The following CD6 variants were observed in gnomAD, a reference collection of about 807,000 sequenced individuals.
The protein encoded by CD6 is T-cell differentiation antigen CD6.
CD6 carries 53 observed loss-of-function variants against 75.3 expected under a neutral mutation model. The ratio of observed to expected loss-of-function variants is 0.70; its 90% confidence interval spans 0.56 to 0.88. The LOEUF (loss-of-function observed/expected upper bound fraction) is 0.88. Among genes scored for constraint, CD6 ranks in the 40% least tolerant of loss-of-function variants. CD6 has a pLI of 0.00. For synonymous variants in CD6, 359 were observed against 381.5 expected, an observed-to-expected ratio of 0.94 and a Z score of 0.69; for missense variants, 770 against 897.1, an observed-to-expected ratio of 0.86 and a Z score of 1.81.
rs577206466 is a variant in CD6, at chr11:61,019,127, T to C, written c.1943-127T>C. The C allele has an allele frequency of 1.2e-5, 8 of 647,232 alleles. No homozygotes were observed. The East Asian group carries it at 1.9e-4, about 16-fold the overall frequency. 40.1% of individuals were successfully genotyped at this position (647,232 alleles called of 1,614,324 possible). ...GTCAGGGACATGGCCGGAAGCAAGATGATCAGATGGCTTCATGCAGCATCC... is the reference window on the plus strand; with the variant it reads ...GTCAGGGACATGGCCGGAAGCAAGACGATCAGATGGCTTCATGCAGCATCC... On this transcript the variant is annotated intron_variant, in intron 12 of 12. Transcript: ENST00000313421.
At chr11:61,005,217 AG>A (rs2135147474) in intron 1 of CD6, among the ~76,000 whole-genome samples, 1 of 152,376 alleles carries the variant, frequency 6.6e-6, no homozygotes, top group East Asian at 1.9e-4. Context: ...TAATGCAGTA[AG>A]TAGAATCTAA....
chr11:61,009,896 C>G, intron 5 of CD6, 22 bp downstream of exon 5: 2 of 1,521,312 alleles, frequency 1.3e-6, no homozygotes, highest in Non-Finnish European at 1.8e-6. Flanking sequence ...TACTCCACCC[C>G]CCCAGATTTG....
chr11:61,011,514 A>G (rs3016163), intron 6 of CD6, among the ~76,000 whole-genome samples: 79,968 of 152,028 alleles, frequency 0.53, 21,694 homozygotes, highest in East Asian at 0.74. Flanking sequence ...CGGGAATGCC[A>G]GCACACAGCC....
chr11:61,000,084 T>C (rs542773286), intron 1 of CD6, among the ~76,000 whole-genome samples: 2 of 151,824 alleles, frequency 1.3e-5, no homozygotes, highest in African/African-American at 2.4e-5. Flanking sequence ...TAAATATAAA[T>C]ATAAATATAA....
chr11:60,990,037 T>C (rs750669783), intron 1 of CD6, among the ~76,000 whole-genome samples: 14 of 152,190 alleles, frequency 9.2e-5, no homozygotes, highest in Non-Finnish European at 1.6e-4. Context: ...TATTTTATTT[T>C]ACTAAAATTT....
chr11:60,987,779 C>T (rs2905508), intron 1 of CD6: 119,187 of 152,180 alleles, frequency 0.78, 46,979 homozygotes, highest in East Asian at 0.97. Flanking sequence ...TCCCAATTGT[C>T]CCCTGTTTCT....
At chr11:61,001,449 C>T (rs1460849644) in intron 1 of CD6, among the ~76,000 whole-genome samples, 2 of 152,154 alleles carry the variant, frequency 1.3e-5, no homozygotes, top group South Asian at 2.1e-4. Context: ...GATCCACCCA[C>T]CTTGGCCTCC....
intron 1 of CD6, among the ~76,000 whole-genome samples, chr11:60,974,518 T>C (rs979968806): frequency 6.6e-6 from 1 of 152,180 alleles, no homozygotes; most frequent in Non-Finnish European, 1.5e-5. Flanking sequence ...GTGCTGGGAT[T>C]ACAGGAGTGA....
intron 1 of CD6, among the ~76,000 whole-genome samples, chr11:60,983,633 G>GTT (rs1346498599): frequency 2.1e-5 from 3 of 141,976 alleles, no homozygotes; most frequent in African/African-American, 2.6e-5. Flanking sequence ...TTTTGTTGTT[G>GTT]TTTTTTTTTT....
At chr11:61,018,590 G>T (rs1859537711) in intron 12 of CD6, 197 bp downstream of exon 12, 2 of 560,524 alleles carry the variant, frequency 3.6e-6, no homozygotes, top group Non-Finnish European at 6.3e-6. Flanking sequence ...GCACAAGGCA[G>T]GAGGATTGCT....
Position 61,020,073 on chromosome 11 carries a change from T to C in CD6, c.*755T>C, listed in dbSNP as rs1045672632. 12 of 398,158 alleles carry C rather than the reference T, an allele frequency of 3.0e-5. No individual in the cohort carries two copies. The highest frequency in any genetic ancestry group is 2.6e-4 in the Admixed American group (6 of 22,686). The allele number at this position is 398,158 out of a possible 1,614,324, so 24.7% of individuals were successfully genotyped here. A position where few individuals can be genotyped will look rare whatever the true frequency, so the allele number is the denominator to read the frequency against. ...GGTCTTTATTCTGAGTTTCCTATGG[T>C]TTACAAAGAGGGCCCCAGCCCAGCC... On this transcript the variant is annotated 3_prime_UTR_variant, in exon 13 of 13. Transcript: ENST00000313421.
In CD6 at chr11:61,017,850, G is replaced by A. The variant is rs137857404; in HGVS notation, c.1674G>A (p.Pro558=). Residue 558 remains proline, a synonymous_variant, in exon 11 of 13, where the codon CCG becomes CCA. Coordinates refer to ENST00000313421, the MANE Select transcript of CD6 (RefSeq NM_006725.5). ...CATCCCTGGGCCCTCAGTATCACCC[G>A]AGGAGCAACAGTGAGTCGAGCACCT... ...DPPSLGPQYH[P]RSNSESSTSS... is the part of the protein sequence containing the mutation. 3.1e-5 allele frequency: 50 copies of A among 1,614,076 alleles called. No homozygotes were observed. Among genetic ancestry groups the A allele is most frequent in the East Asian group, 1.3e-4 (6 of 44,878 alleles).
chr11:60,988,959 C>T (rs1468776001), intron 1 of CD6, among the ~76,000 whole-genome samples: 3 of 152,204 alleles, frequency 2.0e-5, no homozygotes, highest in East Asian at 3.8e-4. Context: ...CTAGCCCAGC[C>T]TTTGCACAGA....
At chr11:60,979,371 C>T (rs984438978) in intron 1 of CD6, among the ~76,000 whole-genome samples, 1 of 152,118 alleles carries the variant, frequency 6.6e-6, no homozygotes, top group Admixed American at 6.5e-5. Flanking sequence ...GGTTGCCCTG[C>T]ACCTTGGGGC....
Position 61,006,590 on chromosome 11 carries a change from C to T in CD6, c.66C>T (p.Ala22=), listed in dbSNP as rs751472643. 7 of 1,609,210 alleles carry T rather than the reference C, an allele frequency of 4.3e-6. No individual in the cohort carries two copies. The South Asian group carries it at 6.7e-5, about 15-fold the overall frequency. Residue 22 remains alanine (A), a synonymous_variant, in exon 2 of 13, where the codon GCC becomes GCT. Coordinates refer to ENST00000313421, the MANE Select transcript of CD6 (RefSeq NM_006725.5). ...TCATTTCAGGTCATCCATCTCCAGC[C>T]CCACCTGACCAGCTCAACACCAGCA... The part of the protein sequence containing the change: ...TAALSGHPSP[A]PPDQLNTSSA...
At chr11:61,009,532 G>T (rs773728593) in intron 4 of CD6, 40 bp from the exon 5 acceptor site, 1 of 1,524,284 alleles carries the variant, frequency 6.6e-7, no homozygotes, top group South Asian at 1.3e-5. Context: ...TCTGCCCAAA[G>T]GATTCTGACC....
rs143534135 is a variant in CD6, at chr11:61,017,867, C to T, written c.1691C>T (p.Ser564Leu). Reference sequence around the variant, plus strand: ...TATCACCCGAGGAGCAACAGTGAGTCGAGCACCTCTTCAGGGGAGGATTAC... The same window carrying T: ...TATCACCCGAGGAGCAACAGTGAGTTGAGCACCTCTTCAGGGGAGGATTAC... ...PQYHPRSNSE[S>L]STSSGEDYCN... The change falls in exon 11 of 13, where the codon TCG (serine) becomes TTG (leucine). Residue 564 changes from serine (S) to leucine (L), a missense_variant. Physicochemically the swap from Ser to Leu is moderately radical, Grantham distance 145 (BLOSUM62 -2). Coordinates refer to ENST00000313421, the MANE Select transcript of CD6 (RefSeq NM_006725.5). The T allele has an allele frequency of 1.5e-4, 246 of 1,613,982 alleles. 2 individuals carry two copies. Among genetic ancestry groups the T allele is most frequent in the South Asian group, 6.1e-4 (56 of 91,082 alleles).
At chr11:61,012,771 C>T (rs965118864) in intron 6 of CD6, among the ~76,000 whole-genome samples, 2 of 152,064 alleles carry the variant, frequency 1.3e-5, no homozygotes, top group African/African-American at 2.4e-5. Context: ...GGTGGGAGAC[C>T]CTGAATCCCA....
chr11:61,003,006 C>A (rs1293932721), intron 1 of CD6, among the ~76,000 whole-genome samples: 1 of 149,398 alleles, frequency 6.7e-6, no homozygotes, highest in Non-Finnish European at 1.5e-5. Context: ...GCTCTGTTGG[C>A]CAGGCTGGAG....
Sources: allele counts gnomAD v4.1 joint callset (sites outside exome capture counted in the v4.1 genomes callset), GRCh38; gene constraint gnomAD v4.1.1; transcripts MANE v1.5; gene names NCBI Gene and HGNC (gene_info 2026-07-23, HGNC 2026-07-21).